PTK2B: variants seen among roughly 807,000 people sequenced by gnomAD.
The protein encoded by PTK2B is protein-tyrosine kinase 2-beta.
In PTK2B, 71 loss-of-function variants were observed where a neutral mutation model predicts 142.9. The ratio of observed to expected loss-of-function variants is 0.50; its 90% CI spans 0.41 to 0.61. The LOEUF is 0.61. Among genes scored for constraint, PTK2B ranks in the 20% least tolerant of loss-of-function variants. PTK2B has a pLI of 0.00. For synonymous variants in PTK2B, 519 were observed against 503.4 expected, an observed-to-expected ratio of 1.03 and a Z score of -0.42; for missense variants, 1,105 against 1,320.4, an observed-to-expected ratio of 0.84 and a Z score of 2.53.
rs200517835 is a variant in PTK2B at position 27,433,693 on chromosome 8, G to GT, written c.1105+142dup. 6,705 of 763,936 alleles carry GT rather than the reference G, an allele frequency of 8.8e-3. 59 individuals carry two copies. Among genetic ancestry groups the GT allele is most frequent in the Non-Finnish European group, 0.011 (5,392 of 470,032 alleles). The allele number at this position is 763,936 out of a possible 1,614,324, so 47.3% of individuals were successfully genotyped here. The stretch of plus-strand genomic sequence containing the variant: ...CCCACAGCCCAGCGGGAAGCTTCCA[G>GT]TGGGCCCATCTTAGGCTTTAAGCCC... On this transcript the variant is annotated intron_variant, in intron 11 of 30. Coordinates refer to ENST00000346049, the MANE Select transcript of PTK2B (RefSeq NM_173176.3).
At chr8:27,405,516 G>A (rs1808657576) in intron 2 of PTK2B, among the ~76,000 whole-genome samples, 1 of 152,184 alleles carries the variant, frequency 6.6e-6, no homozygotes. Context: ...TGAAAAAGAG[G>A]AAAGGGTTCA....
chr8:27,429,187 G>A (rs1045035571), intron 5 of PTK2B, among the ~76,000 whole-genome samples: 4 of 152,194 alleles, frequency 2.6e-5, no homozygotes, highest in African/African-American at 9.7e-5. Flanking sequence ...TTACAGTCAT[G>A]AGCCAACACA....
upstream of PTK2B, among the ~76,000 whole-genome samples, chr8:27,320,962 T>TCATTGGCA (rs1803197776): frequency 7.6e-6 from 1 of 131,662 alleles, no homozygotes; most frequent in Non-Finnish European, 1.6e-5. Context: ...ACCAGGCATC[T>TCATTGGCA]CATTGGCATA....
At chr8:27,447,551 T>A (rs1811544628) in intron 24 of PTK2B, among the ~76,000 whole-genome samples, 1 of 152,138 alleles carries the variant, frequency 6.6e-6, no homozygotes, top group Non-Finnish European at 1.5e-5. Context: ...ACCTCACAAT[T>A]GAGCTTTAAA....
intron 2 of PTK2B, among the ~76,000 whole-genome samples, chr8:27,417,290 T>G (rs951363073): frequency 5.3e-5 from 8 of 152,176 alleles, no homozygotes; most frequent in African/African-American, 1.9e-4. Flanking sequence ...TGCAACAACA[T>G]GATGGATCTC....
At chr8:27,377,656 A>T (rs1416470345) in intron 1 of PTK2B, among the ~76,000 whole-genome samples, 2 of 152,222 alleles carry the variant, frequency 1.3e-5, no homozygotes, top group Admixed American at 1.3e-4. Context: ...GAGAAGACAA[A>T]GAGCTAGTAC....
In PTK2B at chr8:27,375,377, G is replaced by C. The variant is rs573535896; in HGVS notation, c.-37-22171G>C. On this transcript the variant is annotated intron_variant, in intron 1 of 30. Coordinates refer to ENST00000346049, the MANE Select transcript of PTK2B (RefSeq NM_173176.3). ...TGGTCTCAGCTTTGCCCTGAACCAA[G>C]TGTCTGACTTGGGCAGTTGAGTTTT... Among the ~76,000 whole-genome samples the C allele has an allele frequency of 1.2e-4, 18 of 152,348 alleles. 1 individual carries two copies. The South Asian group carries it at 3.7e-3, about 32-fold the overall frequency.
chr8:27,441,189 A>G (rs907868820), intron 21 of PTK2B, among the ~76,000 whole-genome samples: 1 of 152,106 alleles, frequency 6.6e-6, no homozygotes, highest in African/African-American at 2.4e-5. Flanking sequence ...CAGACAATAC[A>G]TCGATGAATG....
In PTK2B at chr8:27,458,515, G is replaced by A. The variant is rs1443950679; in HGVS notation, c.*6G>A. ...CCCACCCACCTGCAGAGTGACGGAG[G>A]GTGGGGGCCACCTGCCTGCGTCTTC... On this transcript the variant is annotated 3_prime_UTR_variant, in exon 31 of 31. Coordinates refer to ENST00000346049, the MANE Select transcript of PTK2B (RefSeq NM_173176.3). 2 of 1,559,162 alleles carry A rather than the reference G, an allele frequency of 1.3e-6. No individual in the cohort carries two copies. The highest frequency in any genetic ancestry group is 2.7e-5 in the African/African-American group (2 of 73,432).
At chr8:27,439,424 A>T in intron 20 of PTK2B, 26 bp downstream of exon 20, 1 of 1,596,498 alleles carries the variant, frequency 6.3e-7, no homozygotes, top group Non-Finnish European at 8.6e-7. Flanking sequence ...GGAGGGCATG[A>T]AAAGGTGTTC....
rs375441448 is a variant in PTK2B, at chr8:27,420,790, C to G, written c.471+46C>G. ...TTGCCCCGAGGCTCCCATTACACCT[C>G]AAATGCCAAGCATGAACCGTTCTCT... is the stretch of plus-strand genomic sequence containing the variant. On this transcript the variant is annotated intron_variant, in intron 4 of 30. Coordinates refer to ENST00000346049, the MANE Select transcript of PTK2B (RefSeq NM_173176.3). 3.3e-5 allele frequency: 50 copies of G among 1,509,074 alleles called. No homozygotes were observed. In the African/African-American group the frequency reaches 6.2e-4, roughly 19 times the overall value. 93.5% of individuals were successfully genotyped at this position (1,509,074 alleles called of 1,614,324 possible).
At chr8:27,411,137 G>A (rs1174146892) in intron 2 of PTK2B, among the ~76,000 whole-genome samples, 1 of 152,192 alleles carries the variant, frequency 6.6e-6, no homozygotes, top group Non-Finnish European at 1.5e-5. Context: ...ATTATATACT[G>A]TCATTTTTTA....
chr8:27,433,488 C>G lies in PTK2B; in HGVS notation c.1041C>G (p.Leu347=). 1 of 1,614,242 alleles carries G rather than the reference C, an allele frequency of 6.2e-7. No individual in the cohort carries two copies. The highest frequency in any genetic ancestry group is 8.5e-7 in the Non-Finnish European group (1 of 1,180,024). ...SLAEAENMAD[L]IDGYCRLQGE... ...CAGAGGCTGAGAACATGGCTGACCT[C>G]ATAGACGGCTACTGCCGGCTGCAGG... The change falls in exon 11 of 31, where the codon CTC becomes CTG. Residue 347 remains leucine (L), a synonymous_variant. Transcript: ENST00000346049.
chr8:27,341,283 G>T (rs760869843), intron 1 of PTK2B, among the ~76,000 whole-genome samples: 2 of 152,172 alleles, frequency 1.3e-5, no homozygotes, highest in Admixed American at 1.3e-4. Context: ...GCGGGCCCCC[G>T]TCTCGTGCCC....
chr8:27,420,742 C>G lies in PTK2B; in HGVS notation c.469C>G (p.Gln157Glu). 1 of 1,608,736 alleles carries G rather than the reference C, an allele frequency of 6.2e-7. No individual in the cohort carries two copies. Among genetic ancestry groups the G allele is most frequent in the Non-Finnish European group, 8.5e-7 (1 of 1,175,096 alleles). The change falls in exon 4 of 31, where the codon CAG becomes GAG. Residue 157 changes from glutamine to glutamate, a missense_variant and splice_region_variant. Gln to Glu is a conservative substitution (Grantham distance 29). Transcript: ENST00000346049. ...GACCACGCTGCTCTATTTTTACCAACAGGTAAAAAGTACTTTATCTTCTTG... is the reference window on the plus strand; with the variant it reads ...GACCACGCTGCTCTATTTTTACCAAGAGGTAAAAAGTACTTTATCTTCTTG... ...DRTTLLYFYQ[Q>E]LRNDYMQRYA...
chr8:27,344,498 G>A (rs933825951), intron 1 of PTK2B, among the ~76,000 whole-genome samples: 13 of 152,170 alleles, frequency 8.5e-5, no homozygotes, highest in African/African-American at 2.9e-4. Context: ...ATACACATAC[G>A]TATATAAAGC....
rs539350597 is a variant in PTK2B, at chr8:27,373,698, T to TA, written c.-37-23842dup. Among the ~76,000 whole-genome samples, 330 of 151,670 alleles carry TA rather than the reference T, an allele frequency of 2.2e-3. 2 individuals are homozygous for TA. The highest frequency in any genetic ancestry group is 4.0e-3 in the Admixed American group (61 of 15,218). On this transcript the variant is annotated intron_variant, in intron 1 of 30. Coordinates refer to ENST00000346049, the MANE Select transcript of PTK2B (RefSeq NM_173176.3). ...CTCTGTTTCTAAAATAAATTTTTTTTAAAAAAAATTGGAGATTTCACATTA... is the reference window on the plus strand; with the variant it reads ...CTCTGTTTCTAAAATAAATTTTTTTTAAAAAAAAATTGGAGATTTCACATTA...
chr8:27,435,702 G>A, intron 13 of PTK2B, 41 bp from the exon 14 acceptor site: 2 of 1,610,886 alleles, frequency 1.2e-6, no homozygotes, highest in Non-Finnish European at 1.7e-6. Context: ...TGCCCACCAA[G>A]GGCATCTTGT....
intron 27 of PTK2B, 38 bp from the exon 28 acceptor site, chr8:27,453,076 T>C (rs754061056): frequency 3.1e-6 from 5 of 1,611,744 alleles, no homozygotes; most frequent in African/African-American, 1.3e-5. Context: ...GTTGGAGTGC[T>C]GAGAACTGCC....
Sources: gnomAD v4.1 joint callset for allele counts (sites outside exome capture counted in the v4.1 genomes callset) on GRCh38, gnomAD v4.1.1 for gene constraint, MANE v1.5 for transcripts, NCBI Gene and HGNC (gene_info 2026-07-23, HGNC 2026-07-21) for gene names.